Variants in ECT2L observed in about 807,000 individuals in gnomAD.
ECT2L encodes the protein epithelial cell transforming 2 like.
ECT2L carries 126 observed loss-of-function variants against 122.8 expected under a neutral mutation model. The observed-to-expected ratio is 1.03, with a 90% CI of 0.89 to 1.19. The LOEUF (loss-of-function observed/expected upper bound fraction) is 1.19, where lower values mean the gene tolerates loss of function less well. Ranked by LOEUF, ECT2L falls within the 50% of genes most tolerant of loss-of-function variation. The probability of loss-of-function intolerance (pLI) is 0.00; values close to 1 mark genes in which losing one functional copy is unlikely to be tolerated. For synonymous variants in ECT2L, 385 were observed against 381.8 expected (o/e 1.01, Z -0.10); for missense variants, 1,012 against 1,064.1 (o/e 0.95, Z 0.68).
At chr6:138,832,968 G>C (rs1186716918) in intron 4 of ECT2L, among the ~76,000 whole-genome samples, 4 of 152,020 alleles carry the variant, frequency 2.6e-5, no homozygotes, top group African/African-American at 9.7e-5. Context: ...GGGGGCCTCA[G>C]GAAACTTACA....
intron 1 of ECT2L, among the ~76,000 whole-genome samples, chr6:138,809,330 G>A (rs1242197980): frequency 1.3e-5 from 2 of 152,176 alleles, no homozygotes; most frequent in Admixed American, 6.5e-5. Context: ...GGGAGGCCGA[G>A]GCACAGTGGT....
At chr6:138,893,089 G>A (rs1174059228) in intron 20 of ECT2L, among the ~76,000 whole-genome samples, 1 of 152,022 alleles carries the variant, frequency 6.6e-6, no homozygotes, top group East Asian at 1.9e-4. Context: ...GATGTCAGAG[G>A]AGAAACATTC....
At chr6:138,822,709 G>T in intron 4 of ECT2L, 2 of 1,549,698 alleles carry the variant, frequency 1.3e-6, no homozygotes, top group Non-Finnish European at 1.8e-6. Context: ...CGACGCAGAA[G>T]ACGGGTGATT....
chr6:138,872,774 C>A (rs962746575), intron 13 of ECT2L, among the ~76,000 whole-genome samples: 1 of 152,192 alleles, frequency 6.6e-6, no homozygotes, highest in Non-Finnish European at 1.5e-5. Flanking sequence ...TCCCTGGAAT[C>A]CTTATTGGAT....
chr6:138,800,166 C>A (rs1005752999), intron 1 of ECT2L, among the ~76,000 whole-genome samples: 1 of 152,152 alleles, frequency 6.6e-6, no homozygotes, highest in Non-Finnish European at 1.5e-5. Flanking sequence ...AGCGAGATAA[C>A]AAAGGGGCCT....
At chr6:138,890,362 A>T (rs1778972765) in intron 20 of ECT2L, among the ~76,000 whole-genome samples, 1 of 152,322 alleles carries the variant, frequency 6.6e-6, no homozygotes, top group Non-Finnish European at 1.5e-5. Flanking sequence ...TCAAAGGCAC[A>T]GGGTAGCAGG....
At chr6:138,826,833 G>T (rs1202025835) in intron 4 of ECT2L, among the ~76,000 whole-genome samples, 1 of 151,956 alleles carries the variant, frequency 6.6e-6, no homozygotes, top group African/African-American at 2.4e-5. Flanking sequence ...GTGAGTTCCT[G>T]AGAGATCTGG....
At chr6:138,875,476 A>G (rs1274591396) in intron 13 of ECT2L, among the ~76,000 whole-genome samples, 1 of 152,244 alleles carries the variant, frequency 6.6e-6, no homozygotes. Flanking sequence ...GAAGGCAGCA[A>G]TAACGACCAT....
chr6:138,882,321 T>C (rs1221822479), intron 15 of ECT2L, among the ~76,000 whole-genome samples: 2 of 152,298 alleles, frequency 1.3e-5, no homozygotes, highest in East Asian at 1.9e-4. Flanking sequence ...AGGGATTTTC[T>C]TAGAGCTCTG....
rs528026184 is a variant in ECT2L at position 138,881,273 on chromosome 6, C to T, written c.1880+102C>T. 108 of 1,158,560 alleles carry T rather than the reference C, an allele frequency of 9.3e-5. 1 individual carries two copies. The South Asian group carries it at 1.5e-3, about 16-fold the overall frequency. 71.8% of individuals were successfully genotyped at this position (1,158,560 alleles called of 1,614,324 possible). A position where few individuals can be genotyped will look rare whatever the true frequency, so the allele number is the denominator to read the frequency against. ...GTATGGAGGTGCAATGATGCTCTGA[C>T]CCTCTTAGGGACCCTGATTATAGCA... On this transcript the variant is annotated intron_variant, in intron 15 of 21. Coordinates refer to ENST00000541398, the MANE Select transcript of ECT2L (RefSeq NM_001077706.3).
In ECT2L at chr6:138,846,593, T is replaced by G; in HGVS notation, c.819T>G (p.His273Gln). The change falls in exon 8 of 22, where the codon CAT becomes CAG. Residue 273 changes from histidine to glutamine, a missense_variant. His to Gln is a conservative substitution (Grantham distance 24). Transcript: ENST00000541398. ...CTTTATTATCAAAGAAAAATTGGCATGGAGTTCATAAAAATGATGACAGAT... is the reference window on the plus strand; with the variant it reads ...CTTTATTATCAAAGAAAAATTGGCAGGGAGTTCATAAAAATGATGACAGAT... ...SYPLLSKKNW[H>Q]GVHKNDDRSS... 1 of 1,611,256 alleles carries G rather than the reference T, an allele frequency of 6.2e-7. No individual in the cohort carries two copies. Among genetic ancestry groups the G allele is most frequent in the Non-Finnish European group, 8.5e-7 (1 of 1,179,200 alleles).
At chr6:138,901,963 GT>G (rs1291656545) in intron 21 of ECT2L, among the ~76,000 whole-genome samples, 1 of 152,198 alleles carries the variant, frequency 6.6e-6, no homozygotes, top group Admixed American at 6.5e-5. Flanking sequence ...ACAAACTCAG[GT>G]TAAAAAGGCT....
intron 4 of ECT2L, 81 bp downstream of exon 4, chr6:138,814,684 T>G: frequency 3.5e-6 from 3 of 863,692 alleles, no homozygotes; most frequent in South Asian, 2.1e-5. Flanking sequence ...TTTAAGAGAT[T>G]TTTTGTTCCT....
intron 9 of ECT2L, among the ~76,000 whole-genome samples, chr6:138,850,555 T>C (rs78001064): frequency 6.6e-6 from 1 of 152,200 alleles, no homozygotes; most frequent in Non-Finnish European, 1.5e-5. Context: ...CATCCACTGA[T>C]GGAAACTGGG....
In ECT2L at chr6:138,813,276, T is replaced by TG; in HGVS notation, c.4dup (p.Glu2?). The TG allele has an allele frequency of 6.2e-7, 1 of 1,609,366 alleles. No homozygotes were observed. Among genetic ancestry groups the TG allele is most frequent in the Non-Finnish European group, 8.5e-7 (1 of 1,179,006 alleles). ...GATTCTTCCTGGAGAACTCCAGAAA[T>TG]GGAGAGCTTCCACACCAGATTTAGT... On this transcript the variant is annotated frameshift_variant and start_lost, in exon 3 of 22. Coordinates refer to ENST00000541398, the MANE Select transcript of ECT2L (RefSeq NM_001077706.3). LOFTEE classifies it high-confidence loss of function.
intron 13 of ECT2L, among the ~76,000 whole-genome samples, chr6:138,869,868 A>G (rs1273224780): frequency 6.6e-6 from 1 of 152,118 alleles, no homozygotes; most frequent in East Asian, 1.9e-4. Flanking sequence ...TCATTTGGCC[A>G]AGGGGTTGGT....
intron 14 of ECT2L, chr6:138,879,185 T>C (rs1778566336): frequency 3.4e-6 from 1 of 296,116 alleles, no homozygotes; most frequent in South Asian, 3.2e-5. Flanking sequence ...GCCTTGCTAT[T>C]CACAATAGGC....
intron 20 of ECT2L, among the ~76,000 whole-genome samples, chr6:138,898,576 G>A (rs1457810613): frequency 1.3e-5 from 2 of 152,080 alleles, no homozygotes; most frequent in Non-Finnish European, 2.9e-5. Context: ...GCAGATCTGT[G>A]GACTCAGCAT....
chr6:138,805,114 TA>T (rs1250200541), intron 1 of ECT2L, among the ~76,000 whole-genome samples: 1 of 152,228 alleles, frequency 6.6e-6, no homozygotes, highest in Non-Finnish European at 1.5e-5. Context: ...CTCTGTGTAA[TA>T]TATTGTGTGA....
Sources: gnomAD v4.1 joint callset for allele counts (sites outside exome capture counted in the v4.1 genomes callset) on GRCh38, gnomAD v4.1.1 for gene constraint, MANE v1.5 for transcripts, NCBI Gene and HGNC (gene_info 2026-07-23, HGNC 2026-07-21) for gene names.